The following ELP3 variants were observed in gnomAD, a reference collection of about 807,000 sequenced individuals.
ELP3 encodes the protein elongator complex protein 3.
ELP3 carries 56 observed loss-of-function variants against 74.9 expected under a neutral mutation model. That is an observed-to-expected ratio of 0.75 (90% CI 0.60 to 0.93). The LOEUF is 0.93. ELP3 is among the 40% of genes least tolerant of loss of function. ELP3 has a pLI of 0.00. For missense variants in ELP3, 573 were observed against 686.5 expected (o/e 0.83, Z 1.85); for synonymous variants, 222 against 239.8 (o/e 0.93, Z 0.68).
chr8:28,157,414 AT>A (rs1365401965), intron 11 of ELP3, among the ~76,000 whole-genome samples: 1 of 152,170 alleles, frequency 6.6e-6, no homozygotes, highest in Non-Finnish European at 1.5e-5. Context: ...CATTAAGTAG[AT>A]TAATAATTAC....
At chr8:28,149,082 T>C (rs537499864) in intron 10 of ELP3, among the ~76,000 whole-genome samples, 11 of 152,184 alleles carry the variant, frequency 7.2e-5, no homozygotes, top group Non-Finnish European at 8.8e-5. Context: ...CACCAGGCAC[T>C]GAATATGCAA....
intron 14 of ELP3, chr8:28,183,226 G>A (rs1218911139): frequency 2.2e-6 from 1 of 462,266 alleles, no homozygotes; most frequent in Admixed American, 2.3e-5. Context: ...GCAGAGGGGA[G>A]GCCACCACAG....
chr8:28,175,635 G>A (rs1264870811), intron 14 of ELP3, among the ~76,000 whole-genome samples: 1 of 152,000 alleles, frequency 6.6e-6, no homozygotes, highest in African/African-American at 2.4e-5. Flanking sequence ...AATAATTTCT[G>A]TTGAATTCTT....
At chr8:28,140,150 GTGTGTT>G (rs1813178698) in intron 10 of ELP3, among the ~76,000 whole-genome samples, 1 of 127,858 alleles carries the variant, frequency 7.8e-6, no homozygotes, top group South Asian at 2.7e-4. Flanking sequence ...GTGTGTGTGT[GTGTGTT>G]TTATAGCAAT....
chr8:28,179,653 T>C (rs1814918855), intron 14 of ELP3, among the ~76,000 whole-genome samples: 1 of 152,176 alleles, frequency 6.6e-6, no homozygotes, highest in Non-Finnish European at 1.5e-5. Flanking sequence ...AACTCAGCAG[T>C]CCCATCTGGG....
intron 9 of ELP3, among the ~76,000 whole-genome samples, chr8:28,133,428 CT>C (rs34048650): frequency 2.6e-4 from 35 of 135,522 alleles, no homozygotes; most frequent in Non-Finnish European, 4.4e-4. Context: ...CTTTTTTTTC[CT>C]TTTTTTTTTT....
intron 12 of ELP3, 91 bp from the exon 13 acceptor site, chr8:28,160,138 A>G: frequency 8.9e-7 from 1 of 1,126,876 alleles, no homozygotes; most frequent in Admixed American, 2.5e-5. Flanking sequence ...ATCCCTAACT[A>G]GATATTAACC....
chr8:28,138,486 A>T (rs1438966870), intron 10 of ELP3, among the ~76,000 whole-genome samples: 1 of 152,204 alleles, frequency 6.6e-6, no homozygotes, highest in Non-Finnish European at 1.5e-5. Context: ...AACATCACAG[A>T]AAAATTTTAG....
chr8:28,189,795 A>G lies in ELP3; in HGVS notation c.*70A>G, dbSNP rs898709610. 1 of 1,517,378 alleles carries G rather than the reference A, an allele frequency of 6.6e-7. No homozygotes were observed. The highest frequency in any genetic ancestry group is 9.1e-7 in the Non-Finnish European group (1 of 1,093,644). 94.0% of individuals were successfully genotyped at this position (1,517,378 alleles called of 1,614,324 possible). On this transcript the variant is annotated 3_prime_UTR_variant, in exon 15 of 15. Coordinates refer to ENST00000256398, the MANE Select transcript of ELP3 (RefSeq NM_018091.6). ...CACGGAGAATCAGGATTTCTTAAAT[A>G]CTCAACAGAGAGGCTGAGCAGAGCA...
chr8:28,100,525 G>C (rs1203440469), intron 3 of ELP3, among the ~76,000 whole-genome samples: 3 of 152,248 alleles, frequency 2.0e-5, no homozygotes, highest in Admixed American at 2.0e-4. Context: ...CGTGGTGCAC[G>C]CAGGAAATAG....
chr8:28,154,010 C>A (rs545701197), intron 10 of ELP3, among the ~76,000 whole-genome samples: 1 of 152,284 alleles, frequency 6.6e-6, no homozygotes, highest in East Asian at 1.9e-4. Flanking sequence ...GAGAGGAGCA[C>A]TGCCCCAAGT....
chr8:28,150,911 A>G (rs1049137438), intron 10 of ELP3, among the ~76,000 whole-genome samples: 1 of 152,128 alleles, frequency 6.6e-6, no homozygotes, highest in Non-Finnish European at 1.5e-5. Flanking sequence ...CTCCCACCTC[A>G]GCCTCCCAAA....
rs757102428 is a variant in ELP3 at position 28,101,789 on chromosome 8, T to A, written c.258+1823T>A. On this transcript the variant is annotated intron_variant, in intron 3 of 14. Transcript: ENST00000256398. ...ATTTTCAGTAGAGACAGGGTTTCAC[T>A]ATGTTGGCCAGGCTGGTCTCGAACT... 7.2e-5 allele frequency among the ~76,000 whole-genome samples: 11 copies of A among 152,130 alleles called. No individual in the cohort carries two copies. The Middle Eastern group carries it at 0.01, about 141-fold the overall frequency.
chr8:28,104,822 C>T (rs1811623453), intron 3 of ELP3, among the ~76,000 whole-genome samples: 2 of 152,120 alleles, frequency 1.3e-5, no homozygotes, highest in South Asian at 2.1e-4. Context: ...TATTTTTTTC[C>T]ACTTTGTATT....
At chr8:28,093,001 C>A, upstream of ELP3, 1 of 726,110 alleles carries the variant, frequency 1.4e-6, no homozygotes. Context: ...GGCAGGATCG[C>A]AGCCTAGGGG....
chr8:28,124,366 T>G (rs1028920911), intron 7 of ELP3, among the ~76,000 whole-genome samples: 1 of 152,134 alleles, frequency 6.6e-6, no homozygotes, highest in Non-Finnish European at 1.5e-5. Flanking sequence ...TTATTTTGTG[T>G]GTGTGATTTA....
chr8:28,090,379 C>T (rs1811019714), upstream of ELP3: 1 of 382,320 alleles, frequency 2.6e-6, no homozygotes, highest in South Asian at 2.0e-5. Flanking sequence ...GCTTCCCGGT[C>T]TGGTGGTGAA....
chr8:28,135,021 C>T lies in ELP3; in HGVS notation c.906+2617C>T, dbSNP rs542769469. 3.3e-5 allele frequency among the ~76,000 whole-genome samples: 5 copies of T among 152,120 alleles called. No homozygotes were observed. In the East Asian group the frequency reaches 9.7e-4, roughly 29 times the overall value. On this transcript the variant is annotated intron_variant, in intron 9 of 14. Transcript: ENST00000256398. ...TTGGCTCACTGCAACCTCTGCCTCC[C>T]GGGTTCAAGCAATTCTCCTGCCTCA... is the stretch of plus-strand genomic sequence containing the variant.
chr8:28,091,000 G>A (rs533206891), upstream of ELP3, among the ~76,000 whole-genome samples: 11 of 148,736 alleles, frequency 7.4e-5, no homozygotes, highest in East Asian at 4.0e-4. Flanking sequence ...TCTGCCTCCC[G>A]GGTTCACGCC....
Sources: gnomAD v4.1 joint callset for allele counts (sites outside exome capture counted in the v4.1 genomes callset) on GRCh38, gnomAD v4.1.1 for gene constraint, MANE v1.5 for transcripts, NCBI Gene and HGNC (gene_info 2026-07-23, HGNC 2026-07-21) for gene names.